The following CNTNAP2 variants were observed in gnomAD, a reference collection of about 807,000 sequenced individuals.
CNTNAP2 encodes the protein contactin associated protein 2.
A neutral mutation model predicts 155.2 loss-of-function variants in CNTNAP2; 98 were observed. The ratio of observed to expected loss-of-function variants is 0.63; its 90% CI spans 0.54 to 0.75. The LOEUF is 0.75. Ranked by LOEUF, CNTNAP2 falls within the 30% of genes least tolerant of loss-of-function variation. The pLI is 0.00. For missense variants in CNTNAP2, 1,727 were observed against 1,688.1 expected (o/e 1.02, Z -0.40); for synonymous variants, 651 against 631.2 (o/e 1.03, Z -0.47).
At chr7:148,331,528 G>GA (rs1487100655) in intron 21 of CNTNAP2, among the ~76,000 whole-genome samples, 1 of 17,084 alleles carries the variant, frequency 5.9e-5, no homozygotes, top group African/African-American at 3.0e-4. Flanking sequence ...GGATGGAATG[G>GA]ATGGACGGAT....
At chr7:146,619,033 C>G (rs577593406) in intron 1 of CNTNAP2, among the ~76,000 whole-genome samples, 24 of 149,324 alleles carry the variant, frequency 1.6e-4, no homozygotes, top group Middle Eastern at 3.5e-3. Flanking sequence ...AAGATTGTGA[C>G]ATTGCACTCC....
chr7:147,779,475 T>C (rs1206567608), intron 13 of CNTNAP2, among the ~76,000 whole-genome samples: 1 of 152,230 alleles, frequency 6.6e-6, no homozygotes, highest in Non-Finnish European at 1.5e-5. Context: ...TGTCTTTACA[T>C]ATAAAAGGGC....
intron 12 of CNTNAP2, among the ~76,000 whole-genome samples, chr7:147,622,477 A>G (rs73468989): frequency 0.031 from 4,667 of 152,166 alleles, 236 homozygotes; most frequent in African/African-American, 0.11. Context: ...ATTGATAACA[A>G]GATGAATTTT....
intron 13 of CNTNAP2, among the ~76,000 whole-genome samples, chr7:147,840,285 C>T (rs1192172980): frequency 6.6e-6 from 1 of 152,100 alleles, no homozygotes; most frequent in East Asian, 1.9e-4. Flanking sequence ...TATAACAATA[C>T]TGCACTTTTA....
rs73452037 is a variant in CNTNAP2, at chr7:146,139,170, A to G, written c.97+22197A>G. Among the ~76,000 whole-genome samples, 870 of 152,258 alleles carry G rather than the reference A, an allele frequency of 5.7e-3. 10 individuals are homozygous for G. Among genetic ancestry groups the G allele is most frequent in the African/African-American group, 0.02 (827 of 41,558 alleles). ...CTTTGACCCACTTCTTCCTCCCAGC[A>G]TGTGAGAAATTATGATAACACAGAC... is the stretch of plus-strand genomic sequence containing the variant. On this transcript the variant is annotated intron_variant, in intron 1 of 23. Transcript: ENST00000361727.
At chr7:146,828,621 G>T (rs1025904542) in intron 2 of CNTNAP2, among the ~76,000 whole-genome samples, 4 of 151,840 alleles carry the variant, frequency 2.6e-5, no homozygotes, top group African/African-American at 9.7e-5. Flanking sequence ...TTTAGAAAAA[G>T]AAAAATACTA....
Position 147,052,468 on chromosome 7 carries a change from C to T in CNTNAP2, c.550+8414C>T, listed in dbSNP as rs374723063. On this transcript the variant is annotated intron_variant, in intron 4 of 23. Coordinates refer to ENST00000361727, the MANE Select transcript of CNTNAP2 (RefSeq NM_014141.6). ...TGCATAGATTCTTTTATTGGTGGAA[C>T]AGGGCATGATTATATTGTATCATAT... 9.2e-5 allele frequency among the ~76,000 whole-genome samples: 14 copies of T among 152,112 alleles called. No individual in the cohort carries two copies. The South Asian group carries it at 2.5e-3, about 27-fold the overall frequency.
chr7:146,983,524 G>A (rs1458559588), intron 3 of CNTNAP2, among the ~76,000 whole-genome samples: 8 of 152,080 alleles, frequency 5.3e-5, no homozygotes, highest in South Asian at 2.1e-4. Context: ...TTGCCCCATC[G>A]CTACACACAA....
intron 12 of CNTNAP2, among the ~76,000 whole-genome samples, chr7:147,605,367 C>T (rs1418398045): frequency 2.6e-5 from 4 of 151,912 alleles, no homozygotes; most frequent in Non-Finnish European, 5.9e-5. Context: ...AAAATGTGTT[C>T]GATGACTGAA....
At chr7:147,330,567 C>G (rs771911507) in intron 9 of CNTNAP2, among the ~76,000 whole-genome samples, 1 of 152,152 alleles carries the variant, frequency 6.6e-6, no homozygotes, top group Non-Finnish European at 1.5e-5. Context: ...AGGGTTTTCA[C>G]TAACTCTGGG....
Position 148,076,393 on chromosome 7 carries a change from C to T in CNTNAP2, c.2384-41725C>T, listed in dbSNP as rs116580813. On this transcript the variant is annotated intron_variant, in intron 15 of 23. Transcript: ENST00000361727. ...TCAAGAATGCCAAAATGGAGACACC[C>T]TGGTGTAGACCTATGATAGCTCTGA... Among the ~76,000 whole-genome samples the T allele has an allele frequency of 4.3e-3, 641 of 147,802 alleles. 6 individuals carry two copies. The highest frequency in any genetic ancestry group is 0.015 in the African/African-American group (609 of 40,584).
intron 3 of CNTNAP2, among the ~76,000 whole-genome samples, chr7:146,934,226 T>C (rs1796856472): frequency 6.6e-6 from 1 of 151,804 alleles, no homozygotes; most frequent in African/African-American, 2.4e-5. Flanking sequence ...ATGAAGAAAA[T>C]GTGGCACATA....
At chr7:146,795,272 C>T (rs951900679) in intron 2 of CNTNAP2, among the ~76,000 whole-genome samples, 4 of 152,106 alleles carry the variant, frequency 2.6e-5, no homozygotes, top group African/African-American at 9.7e-5. Flanking sequence ...TTCTGTATAT[C>T]GACATTTTGC....
chr7:148,007,175 G>T (rs977388910), intron 15 of CNTNAP2, among the ~76,000 whole-genome samples: 4 of 152,182 alleles, frequency 2.6e-5, no homozygotes, highest in African/African-American at 9.7e-5. Flanking sequence ...ATGGAAAATT[G>T]TGCCTTGTCT....
At chr7:146,601,344 A>G (rs866807740) in intron 1 of CNTNAP2, among the ~76,000 whole-genome samples, 1 of 152,256 alleles carries the variant, frequency 6.6e-6, no homozygotes, top group South Asian at 2.1e-4. Flanking sequence ...AAGAATTTTT[A>G]TAATTGCTGT....
chr7:147,274,210 C>A (rs1346079703), intron 8 of CNTNAP2, among the ~76,000 whole-genome samples: 2 of 151,978 alleles, frequency 1.3e-5, no homozygotes, highest in Non-Finnish European at 2.9e-5. Flanking sequence ...GGTAGTTTTA[C>A]ATCTTTGAGA....
chr7:148,102,682 C>T (rs1397586341), intron 15 of CNTNAP2, among the ~76,000 whole-genome samples: 1 of 152,196 alleles, frequency 6.6e-6, no homozygotes, highest in Non-Finnish European at 1.5e-5. Flanking sequence ...GAAGTGCCGC[C>T]ATTTTGGATT....
At chr7:148,016,358 G>A (rs964234715) in intron 15 of CNTNAP2, among the ~76,000 whole-genome samples, 1 of 152,270 alleles carries the variant, frequency 6.6e-6, no homozygotes, top group East Asian at 1.9e-4. Flanking sequence ...CTTTGATATG[G>A]CCTTCCCACA....
chr7:146,244,138 T>A (rs1235984875), intron 1 of CNTNAP2, among the ~76,000 whole-genome samples: 1 of 152,204 alleles, frequency 6.6e-6, no homozygotes, highest in African/African-American at 2.4e-5. Flanking sequence ...ATAAAAGGTC[T>A]AAGAATTGGG....
Sources: gnomAD v4.1 joint callset for allele counts (sites outside exome capture counted in the v4.1 genomes callset) on GRCh38, gnomAD v4.1.1 for gene constraint, MANE v1.5 for transcripts, NCBI Gene and HGNC (gene_info 2026-07-23, HGNC 2026-07-21) for gene names.